Variants in MIOS observed in about 807,000 individuals in gnomAD.
MIOS encodes GATOR2 complex protein MIOS.
Under a neutral mutation model 96.9 loss-of-function variants are expected in MIOS, and 52 were observed. The observed-to-expected ratio is 0.54, with a 90% CI of 0.43 to 0.68. MIOS has a LOEUF of 0.68. Ranked by LOEUF, MIOS falls within the 30% of genes least tolerant of loss-of-function variation. The pLI is 0.00. For missense variants in MIOS, 1,005 were observed against 1,052.8 expected (o/e 0.95, Z 0.63); for synonymous variants, 397 against 359.5 (o/e 1.10, Z -1.18).
chr7:7,606,802 A>T (rs1016988170), intron 12 of MIOS, among the ~76,000 whole-genome samples, 194 bp from the exon 13 acceptor site: 9 of 152,142 alleles, frequency 5.9e-5, no homozygotes, highest in Non-Finnish European at 1.3e-4. Context: ...ATATAAGTAA[A>T]CAGGTGGGCA....
At chr7:7,603,777 G>T (rs1030388443) in intron 11 of MIOS, among the ~76,000 whole-genome samples, 1 of 152,052 alleles carries the variant, frequency 6.6e-6, no homozygotes. Flanking sequence ...GTTTATTGCA[G>T]CACTATTCAC....
At chr7:7,594,862 CAAA>C (rs58139181) in intron 9 of MIOS, 115 bp from the exon 10 acceptor site, 1,208 of 376,050 alleles carry the variant, frequency 3.2e-3, no homozygotes, top group Middle Eastern at 7.6e-3. Context: ...CAGCTTTTGG[CAAA>C]AAAAAAAAAA....
At chr7:7,598,149 A>G (rs910886635) in intron 11 of MIOS, among the ~76,000 whole-genome samples, 7 of 152,202 alleles carry the variant, frequency 4.6e-5, no homozygotes, top group Admixed American at 6.5e-5. Context: ...CATTTTGGGT[A>G]TTTGGCACAC....
At position 7,607,019 on chromosome 7, in the gene MIOS, C is replaced by G; in HGVS notation, c.2555C>G (p.Ser852Trp). The change falls in exon 13 of 13, where the codon TCG (serine) becomes TGG (tryptophan). Residue 852 changes from serine to tryptophan, a missense_variant. Physicochemically the swap from Ser to Trp is radical, Grantham distance 177 (BLOSUM62 -3). Around this residue, in one of 3 missense-constraint regions of MIOS, gnomAD observed 865 missense variants for 887.9 expected, o/e 0.97. Coordinates refer to ENST00000340080, the MANE Select transcript of MIOS (RefSeq NM_019005.4). Reference sequence around the variant, plus strand: ...AGGGACCATGCAGAGTGCCCTGTGTCGGCATGCACGTGTAAATGTATGCAG... The same window carrying G: ...AGGGACCATGCAGAGTGCCCTGTGTGGGCATGCACGTGTAAATGTATGCAG... Reference protein sequence around the residue: ...WFRDHAECPVSACTCKCMQLD... With the variant: ...WFRDHAECPVWACTCKCMQLD... 6.2e-7 allele frequency: 1 copy of G among 1,612,874 alleles called. No homozygotes were observed. The highest frequency in any genetic ancestry group is 8.5e-7 in the Non-Finnish European group (1 of 1,179,330).
At chr7:7,579,938 T>C (rs1404240942) in intron 5 of MIOS, among the ~76,000 whole-genome samples, 4 of 152,250 alleles carry the variant, frequency 2.6e-5, no homozygotes, top group African/African-American at 7.2e-5. Context: ...TTCTCTATTC[T>C]GTTCCATGAC....
At chr7:7,593,901 A>AAAAAAAAAAAAC in intron 9 of MIOS, among the ~76,000 whole-genome samples, 1 of 145,132 alleles carries the variant, frequency 6.9e-6, no homozygotes, top group Non-Finnish European at 1.5e-5. Flanking sequence ...AAAAAGAAAA[A>AAAAAAAAAAAAC]GAAAAGAAAA....
At chr7:7,605,795 A>G in intron 11 of MIOS, 147 bp from the exon 12 acceptor site, 2 of 722,922 alleles carry the variant, frequency 2.8e-6, no homozygotes, top group Non-Finnish European at 4.2e-6. Flanking sequence ...GTTTCGCTTC[A>G]TCTAAACTAG....
rs1784520663 is a variant in MIOS, at chr7:7,606,027, T to C, written c.2487T>C (p.Asn829=). ...ACAACTGGTTTACATGGTGTCATAA[T>C]TGCAGGCACGGTGGACATGCTGGAC... ...QFNNWFTWCH[N]CRHGGHAGHM... Residue 829 remains asparagine (N), a synonymous_variant, in exon 12 of 13, where the codon AAT becomes AAC. Transcript: ENST00000340080. 1 of 1,613,884 alleles carries C rather than the reference T, an allele frequency of 6.2e-7. No individual in the cohort carries two copies. Among genetic ancestry groups the C allele is most frequent in the Non-Finnish European group, 8.5e-7 (1 of 1,179,910 alleles).
intron 6 of MIOS, among the ~76,000 whole-genome samples, chr7:7,585,073 G>A (rs1239259056): frequency 6.6e-6 from 1 of 152,024 alleles, no homozygotes; most frequent in Admixed American, 6.6e-5. Flanking sequence ...ATATATTTAG[G>A]AATAGGAAAA....
At chr7:7,598,430 AAT>A (rs1331916022) in intron 11 of MIOS, among the ~76,000 whole-genome samples, 1 of 152,186 alleles carries the variant, frequency 6.6e-6, no homozygotes, top group Non-Finnish European at 1.5e-5. Context: ...AAATGAAGAG[AAT>A]ATGTAATGTT....
Position 7,572,231 on chromosome 7 carries a change from T to C in MIOS, c.-40-205T>C, listed in dbSNP as rs1193624474. On this transcript the variant is annotated intron_variant, in intron 3 of 12. Coordinates refer to ENST00000340080, the MANE Select transcript of MIOS (RefSeq NM_019005.4). This position sits in a 1 kb window ranked among gnomAD's most constrained non-coding sequence, Gnocchi z 4.8. The stretch of plus-strand genomic sequence containing the variant: ...ATGGGATTCTCAGATTCCTACCAGC[T>C]CATTTTATTGGAAGTGGTTGTTCTT... Among the ~76,000 whole-genome samples the C allele has an allele frequency of 6.6e-6, 1 of 152,204 alleles. No homozygotes were observed. The highest frequency in any genetic ancestry group is 1.5e-5 in the Non-Finnish European group (1 of 68,038).
chr7:7,570,916 T>G (rs574632386), intron 3 of MIOS, among the ~76,000 whole-genome samples: 2 of 152,012 alleles, frequency 1.3e-5, no homozygotes, highest in South Asian at 2.1e-4. Flanking sequence ...GCCCTGGGAG[T>G]TGGGGACCCC....
intron 7 of MIOS, among the ~76,000 whole-genome samples, chr7:7,586,988 C>CTTTTTTT (rs71988879): frequency 4.1e-5 from 5 of 123,040 alleles, no homozygotes; most frequent in African/African-American, 1.5e-4. Flanking sequence ...TTTTCTTTCC[C>CTTTTTTT]TTTTTTTTTT....
rs765469735 is a variant in MIOS at position 7,606,957 on chromosome 7, A to G, written c.2532-39A>G. 4.3e-6 allele frequency: 6 copies of G among 1,388,304 alleles called. No homozygotes were observed. The African/African-American group carries it at 7.2e-5, about 17-fold the overall frequency. The allele number at this position is 1,388,304 out of a possible 1,614,324, so 86.0% of individuals were successfully genotyped here. A position where few individuals can be genotyped will look rare whatever the true frequency, so the allele number is the denominator to read the frequency against. On this transcript the variant is annotated intron_variant, in intron 12 of 12. Coordinates refer to ENST00000340080, the MANE Select transcript of MIOS (RefSeq NM_019005.4). ...TAAATAAATAAATGTATGTCTGTCT[A>G]ATTTGGATTTTTAACTGTTATTTGA...
chr7:7,591,850 CT>C (rs1230358365), intron 9 of MIOS, among the ~76,000 whole-genome samples: 1 of 152,022 alleles, frequency 6.6e-6, no homozygotes, highest in African/African-American at 2.4e-5. Flanking sequence ...TTTTTTCTGC[CT>C]CAATCTTATT....
chr7:7,567,862 C>T (rs1342306646), intron 2 of MIOS, among the ~76,000 whole-genome samples, 164 bp from the exon 3 acceptor site: 12 of 152,168 alleles, frequency 7.9e-5, no homozygotes, highest in African/African-American at 2.7e-4. Flanking sequence ...ACGTAAAAAT[C>T]CTCAATAATT....
chr7:7,570,253 A>G (rs1489651656), intron 3 of MIOS, among the ~76,000 whole-genome samples: 1 of 152,192 alleles, frequency 6.6e-6, no homozygotes. Flanking sequence ...ACAAGATGAT[A>G]AATAATTGGG....
rs372928664 is a variant in MIOS, at chr7:7,572,533, G to A, written c.58G>A (p.Val20Met). ...WAPHHVDRFV[V>M]CDSELSLYHV... Reference sequence around the variant, plus strand: ...ACCACACCATGTTGATAGATTTGTTGTGTGTGACTCAGAACTAAGTCTTTA... The same window carrying A: ...ACCACACCATGTTGATAGATTTGTTATGTGTGACTCAGAACTAAGTCTTTA... Residue 20 changes from valine to methionine, a missense_variant, in exon 4 of 13, where the codon GTG becomes ATG. Coordinates refer to ENST00000340080, the MANE Select transcript of MIOS (RefSeq NM_019005.4). The surrounding 1 kb of genome is among the most constrained non-coding windows in gnomAD (Gnocchi z 4.8). The A allele has an allele frequency of 5.6e-6, 9 of 1,613,948 alleles. No individual in the cohort carries two copies. The African/African-American group carries it at 1.2e-4, about 22-fold the overall frequency.
intron 5 of MIOS, among the ~76,000 whole-genome samples, chr7:7,574,445 T>C (rs536170841): frequency 6.6e-6 from 1 of 152,168 alleles, no homozygotes; most frequent in South Asian, 2.1e-4. Context: ...TCCACACGTT[T>C]ATTCAATGTT....
Sources: allele counts gnomAD v4.1 joint callset (sites outside exome capture counted in the v4.1 genomes callset), GRCh38; gene constraint gnomAD v4.1.1; regional missense constraint gnomAD v4.1.1; non-coding constraint Gnocchi (gnomAD v3.1); transcripts MANE v1.5; gene names NCBI Gene and HGNC (gene_info 2026-07-23, HGNC 2026-07-21).